Variants in KANSL1 observed in about 807,000 individuals in gnomAD.
The protein encoded by KANSL1 is KAT8 regulatory NSL complex subunit 1, also known as MLL1/MLL complex subunit KANSL1.
KANSL1 carries 22 observed loss-of-function variants against 103.6 expected under a neutral mutation model. The ratio of observed to expected loss-of-function variants is 0.21; its 90% CI spans 0.15 to 0.30. The LOEUF is 0.30. KANSL1 is among the 10% of genes least tolerant of loss of function. The pLI is 1.00. For synonymous variants in KANSL1, 600 were observed against 527.6 expected, an observed-to-expected ratio of 1.14 and a Z score of -1.88; for missense variants, 1,337 against 1,399.8, an observed-to-expected ratio of 0.96 and a Z score of 0.72.
chr17:46,171,689 G>A lies in KANSL1; in HGVS notation c.455C>T (p.Ala152Val), dbSNP rs775582928. 2 of 1,554,056 alleles carry A rather than the reference G, an allele frequency of 1.3e-6. No individual in the cohort carries two copies. Among genetic ancestry groups the A allele is most frequent in the African/African-American group, 1.4e-5 (1 of 72,284 alleles). Residue 152 changes from alanine to valine, a missense_variant, in exon 2 of 15, where the codon GCA (alanine) becomes GTA (valine). By Grantham distance (64) the Ala-to-Val change is moderately conservative. Transcript: ENST00000432791. The part of the protein sequence containing the change: ...NTSGQTALPQ[A>V]PVNGLAKKLT... ...TTTCTTAGCCAACCCATTTACAGGT[G>A]CTTGTGGCAGAGCTGTCTGACCACT...
At chr17:46,074,869 C>T (rs1339652689) in intron 4 of KANSL1, among the ~76,000 whole-genome samples, 1 of 152,006 alleles carries the variant, frequency 6.6e-6, no homozygotes. Flanking sequence ...TGTCAGGCAC[C>T]ACCTTAACCA....
At chr17:46,088,709 T>TA (rs112043799) in intron 3 of KANSL1, 21,165 of 151,374 alleles carry the variant, frequency 0.14, 2,016 homozygotes, top group Non-Finnish European at 0.21. Context: ...CCCCATCCTT[T>TA]AAAATAAAAA....
chr17:46,041,153 C>T (rs1050264047), intron 7 of KANSL1: 1 of 152,160 alleles, frequency 6.6e-6, no homozygotes, highest in Non-Finnish European at 1.5e-5. Flanking sequence ...TATATAATGA[C>T]CTTGTAGCCT....
intron 1 of KANSL1, among the ~76,000 whole-genome samples, chr17:46,210,329 TG>T (rs2048114500): frequency 6.6e-6 from 1 of 151,914 alleles, no homozygotes; most frequent in Non-Finnish European, 1.5e-5. Context: ...AAAAATTAGC[TG>T]GGTGTGGTGG....
chr17:46,069,992 G>C (rs963768816), intron 4 of KANSL1, among the ~76,000 whole-genome samples: 2 of 151,800 alleles, frequency 1.3e-5, no homozygotes, highest in African/African-American at 4.8e-5. Context: ...AGTAAATCTG[G>C]CATAGACACA....
chr17:46,133,983 G>C (rs367620276), intron 2 of KANSL1, among the ~76,000 whole-genome samples: 3 of 152,232 alleles, frequency 2.0e-5, no homozygotes, highest in East Asian at 3.8e-4. Context: ...AGGAATGGGA[G>C]TGACCAGACA....
intron 1 of KANSL1, among the ~76,000 whole-genome samples, chr17:46,190,401 A>G (rs2047257564): frequency 6.6e-6 from 1 of 152,244 alleles, no homozygotes; most frequent in African/African-American, 2.4e-5. Context: ...AAAATTTAAC[A>G]TCTCACGTTG....
At chr17:46,069,497 C>G (rs1179317917) in intron 4 of KANSL1, among the ~76,000 whole-genome samples, 2 of 152,136 alleles carry the variant, frequency 1.3e-5, no homozygotes, top group Non-Finnish European at 2.9e-5. Context: ...GTAATCCCAG[C>G]ACTTTGGGAG....
At chr17:46,043,072 T>A (rs2077381908) in intron 7 of KANSL1, 1 of 152,192 alleles carries the variant, frequency 6.6e-6, no homozygotes, top group Non-Finnish European at 1.5e-5. Flanking sequence ...CATTCGGCCC[T>A]GTAAAACAAT....
intron 6 of KANSL1, among the ~76,000 whole-genome samples, chr17:46,054,589 C>A (rs747401318): frequency 6.6e-6 from 1 of 152,194 alleles, no homozygotes; most frequent in African/African-American, 2.4e-5. Context: ...TCTCATCTCA[C>A]GAGGAATAGA....
intron 1 of KANSL1, among the ~76,000 whole-genome samples, chr17:46,176,212 C>A (rs1172010239): frequency 6.6e-6 from 1 of 152,214 alleles, no homozygotes; most frequent in Admixed American, 6.5e-5. Flanking sequence ...AGCAAGGGCA[C>A]AAATATGCTT....
At chr17:46,035,858 C>A (rs62062323) in intron 10 of KANSL1, 1 of 152,032 alleles carries the variant, frequency 6.6e-6, no homozygotes, top group African/African-American at 2.4e-5. Context: ...GTTCAACGGG[C>A]TCTTATCTCA....
intron 1 of KANSL1, among the ~76,000 whole-genome samples, chr17:46,174,182 G>A (rs62060915): frequency 0.14 from 21,960 of 152,136 alleles, 2,137 homozygotes; most frequent in Non-Finnish European, 0.22. Context: ...TATTTGGTGG[G>A]TGTGGATGTG....
chr17:46,135,378 ATAG>A (rs1393568479), intron 2 of KANSL1, among the ~76,000 whole-genome samples: 1 of 133,872 alleles, frequency 7.5e-6, no homozygotes, highest in African/African-American at 2.5e-5. Flanking sequence ...AACATAAAAC[ATAG>A]TATGGAAGGT....
chr17:46,159,776 CCT>C (rs1236174961), intron 2 of KANSL1, among the ~76,000 whole-genome samples: 1 of 152,194 alleles, frequency 6.6e-6, no homozygotes, highest in African/African-American at 2.4e-5. Flanking sequence ...ATAAATCATC[CCT>C]TTCGAATGTC....
intron 5 of KANSL1, 102 bp downstream of exon 5, chr17:46,067,447 C>T (rs772497751): frequency 1.6e-4 from 117 of 747,354 alleles, no homozygotes; most frequent in Non-Finnish European, 2.3e-4. Flanking sequence ...ATAAGGCTTC[C>T]GCTTCTTTAA....
At chr17:46,109,603 A>T (rs763638365) in intron 2 of KANSL1, among the ~76,000 whole-genome samples, 1 of 152,258 alleles carries the variant, frequency 6.6e-6, no homozygotes. Context: ...GTTTTCAGTT[A>T]AAGAATGACT....
chr17:46,075,756 T>C (rs545457394), intron 4 of KANSL1, among the ~76,000 whole-genome samples: 3 of 152,336 alleles, frequency 2.0e-5, no homozygotes, highest in South Asian at 2.1e-4. Context: ...AAGATAAATA[T>C]AGAATCCATT....
intron 2 of KANSL1, among the ~76,000 whole-genome samples, chr17:46,129,613 G>A (rs532277946): frequency 6.6e-6 from 1 of 152,308 alleles, no homozygotes; most frequent in African/African-American, 2.4e-5. Context: ...AGTGTGGAGT[G>A]TTTTTAAAAC....
Sources: allele counts gnomAD v4.1 joint callset (sites outside exome capture counted in the v4.1 genomes callset), GRCh38; gene constraint gnomAD v4.1.1; transcripts MANE v1.5; gene names NCBI Gene and HGNC (gene_info 2026-07-23, HGNC 2026-07-21).